The following LDLRAD3 variants were observed in gnomAD, a reference collection of about 807,000 sequenced individuals.
LDLRAD3 encodes low-density lipoprotein receptor class A domain-containing protein 3.
In LDLRAD3, 20 loss-of-function variants were observed where a neutral mutation model predicts 29.4. That is an observed-to-expected ratio of 0.68 (90% CI 0.48 to 0.99). The LOEUF (loss-of-function observed/expected upper bound fraction) is 0.99. Ranked by LOEUF, LDLRAD3 falls within the 50% of genes least tolerant of loss-of-function variation. The probability of loss-of-function intolerance (pLI) is 0.00; values close to 1 mark genes in which losing one functional copy is unlikely to be tolerated. For synonymous variants in LDLRAD3, 157 were observed against 192.7 expected, an observed-to-expected ratio of 0.81 and a Z score of 1.53; for missense variants, 420 against 454.3, an observed-to-expected ratio of 0.92 and a Z score of 0.69.
At chr11:35,957,422 G>A (rs1851216480) in intron 1 of LDLRAD3, among the ~76,000 whole-genome samples, 1 of 152,188 alleles carries the variant, frequency 6.6e-6, no homozygotes. Context: ...TGTAGGAGAT[G>A]ACATTACCTG....
At chr11:36,062,463 A>C (rs1188290546) in intron 2 of LDLRAD3, among the ~76,000 whole-genome samples, 1 of 152,182 alleles carries the variant, frequency 6.6e-6, no homozygotes. Flanking sequence ...TTGCCAAGGA[A>C]GAAGCCTTTA....
In LDLRAD3 at chr11:36,115,590, C is replaced by T. The variant is rs546113386; in HGVS notation, c.454+17129C>T. ...GGCCAGAAAGGCTACTGACCTCAAGCTCTGCTGTGTCATGTTTCTGTCACA... is the reference window on the plus strand; with the variant it reads ...GGCCAGAAAGGCTACTGACCTCAAGTTCTGCTGTGTCATGTTTCTGTCACA... On this transcript the variant is annotated intron_variant, in intron 4 of 5. Coordinates refer to ENST00000315571, the MANE Select transcript of LDLRAD3 (RefSeq NM_174902.4). Among the ~76,000 whole-genome samples the T allele has an allele frequency of 1.1e-4, 16 of 152,320 alleles. 1 individual carries two copies. The South Asian group carries it at 3.3e-3, about 32-fold the overall frequency.
chr11:36,144,963 C>A (rs1435860277), intron 4 of LDLRAD3, among the ~76,000 whole-genome samples: 1 of 115,036 alleles, frequency 8.7e-6, no homozygotes, highest in Non-Finnish European at 1.9e-5. Flanking sequence ...GCCAGCCGCC[C>A]CGTCCCGGAA....
intron 1 of LDLRAD3, among the ~76,000 whole-genome samples, chr11:35,958,367 CAG>C (rs1339745549): frequency 6.6e-6 from 1 of 152,152 alleles, no homozygotes; most frequent in East Asian, 1.9e-4. Flanking sequence ...TCTTACGAAA[CAG>C]ATGATTCAAA....
At chr11:36,080,975 C>T (rs1234621206) in intron 2 of LDLRAD3, among the ~76,000 whole-genome samples, 3 of 151,742 alleles carry the variant, frequency 2.0e-5, no homozygotes, top group Non-Finnish European at 4.4e-5. Flanking sequence ...TTATAGCCTC[C>T]CAGAAGTAAG....
chr11:35,985,542 A>G (rs1851603985), intron 1 of LDLRAD3, among the ~76,000 whole-genome samples: 1 of 152,044 alleles, frequency 6.6e-6, no homozygotes, highest in South Asian at 2.1e-4. Flanking sequence ...TACTTTGGTG[A>G]ATTATATGGT....
Position 36,227,348 on chromosome 11 carries a change from C to T in LDLRAD3, c.718C>T (p.Gln240Ter). The change falls in exon 5 of 6, where the codon CAG (glutamine) becomes TAG (stop). Residue 240 changes from glutamine (Q) to a stop codon, truncating the protein, a stop_gained. Coordinates refer to ENST00000315571, the MANE Select transcript of LDLRAD3 (RefSeq NM_174902.4). LOFTEE classifies it high-confidence loss of function. Reference protein sequence around the residue: ...NVTYNVNNGIQYVASQAEQNA... With the variant: ...NVTYNVNNGI Reference sequence around the variant, plus strand: ...CACCTACAACGTCAATAATGGCATCCAGTATGTGGCCAGCCAGGCGGAGCA... The same window carrying T: ...CACCTACAACGTCAATAATGGCATCTAGTATGTGGCCAGCCAGGCGGAGCA... The T allele has an allele frequency of 6.2e-7, 1 of 1,614,088 alleles. No individual in the cohort carries two copies. Among genetic ancestry groups the T allele is most frequent in the Non-Finnish European group, 8.5e-7 (1 of 1,180,000 alleles).
chr11:36,137,205 T>C (rs533444133), intron 4 of LDLRAD3, among the ~76,000 whole-genome samples: 1 of 152,170 alleles, frequency 6.6e-6, no homozygotes, highest in African/African-American at 2.4e-5. Flanking sequence ...GACCAGGAAA[T>C]GGATTTGTGA....
chr11:36,197,407 G>A (rs990330970), intron 4 of LDLRAD3: 3 of 152,192 alleles, frequency 2.0e-5, no homozygotes, highest in African/African-American at 7.2e-5. Context: ...CGCAAGCATG[G>A]ATTCGAGAGT....
At chr11:35,960,325 C>G (rs12293941) in intron 1 of LDLRAD3, among the ~76,000 whole-genome samples, 2,063 of 152,312 alleles carry the variant, frequency 0.014, 50 homozygotes, top group African/African-American at 0.047. Context: ...ATTACTATGA[C>G]TAGCCACACT....
chr11:36,214,240 G>A (rs139433740), intron 4 of LDLRAD3, among the ~76,000 whole-genome samples: 1,661 of 152,274 alleles, frequency 0.011, 18 homozygotes, highest in Non-Finnish European at 0.016. Context: ...TGATGAGGGC[G>A]TGGGACTTGA....
intron 2 of LDLRAD3, among the ~76,000 whole-genome samples, chr11:36,051,955 G>A (rs73450472): frequency 6.6e-6 from 1 of 151,880 alleles, no homozygotes; most frequent in African/African-American, 2.4e-5. Flanking sequence ...GGGGATGACT[G>A]AAAAGCTGCT....
chr11:36,089,623 C>T (rs1380592121), intron 3 of LDLRAD3, among the ~76,000 whole-genome samples: 1 of 152,060 alleles, frequency 6.6e-6, no homozygotes, highest in Non-Finnish European at 1.5e-5. Flanking sequence ...GTTTTAGAGA[C>T]AGGGTCTTAC....
At chr11:36,035,071 C>A (rs561245402) in intron 1 of LDLRAD3, among the ~76,000 whole-genome samples, 1 of 152,230 alleles carries the variant, frequency 6.6e-6, no homozygotes, top group South Asian at 2.1e-4. Context: ...TTTATCTCTG[C>A]ATCTTTAGAA....
chr11:36,162,679 C>A (rs777174251), intron 4 of LDLRAD3, among the ~76,000 whole-genome samples: 4 of 152,178 alleles, frequency 2.6e-5, no homozygotes, highest in Admixed American at 6.5e-5. Context: ...AAGCCGTGGT[C>A]CCTAAGTCTA....
chr11:36,006,901 G>A (rs910005393), intron 1 of LDLRAD3, among the ~76,000 whole-genome samples: 3 of 152,170 alleles, frequency 2.0e-5, no homozygotes, highest in Admixed American at 2.0e-4. Context: ...AGGGGAAGTC[G>A]CACTTTTAGC....
chr11:36,093,988 A>T (rs1853321610), intron 3 of LDLRAD3, among the ~76,000 whole-genome samples: 3 of 152,214 alleles, frequency 2.0e-5, no homozygotes, highest in African/African-American at 7.2e-5. Flanking sequence ...GGTATATGTA[A>T]AATAGGTGAT....
chr11:36,038,421 C>G (rs1216814337), intron 2 of LDLRAD3, among the ~76,000 whole-genome samples: 1 of 152,164 alleles, frequency 6.6e-6, no homozygotes, highest in Non-Finnish European at 1.5e-5. Flanking sequence ...TCAACTTCGG[C>G]ACATACGGAT....
At chr11:35,993,946 G>A (rs1024952810) in intron 1 of LDLRAD3, among the ~76,000 whole-genome samples, 7 of 152,036 alleles carry the variant, frequency 4.6e-5, no homozygotes, top group African/African-American at 1.7e-4. Flanking sequence ...GTTTTCCCAC[G>A]TTATTTTAAA....
Sources: gnomAD v4.1 joint callset for allele counts (sites outside exome capture counted in the v4.1 genomes callset) on GRCh38, gnomAD v4.1.1 for gene constraint, MANE v1.5 for transcripts, NCBI Gene and HGNC (gene_info 2026-07-23, HGNC 2026-07-21) for gene names.